The following SLC4A8 variants were observed in gnomAD, a reference collection of about 807,000 sequenced individuals.
The protein encoded by SLC4A8 is electroneutral sodium bicarbonate exchanger 1.
A neutral mutation model predicts 125.0 loss-of-function variants in SLC4A8; 40 were observed. The ratio of observed to expected loss-of-function variants is 0.32; its 90% CI spans 0.25 to 0.42. SLC4A8 has a LOEUF of 0.42. Among genes scored for constraint, SLC4A8 ranks in the 10% least tolerant of loss-of-function variants. SLC4A8 has a pLI of 1.00. For missense variants in SLC4A8, 863 were observed against 1,355.1 expected (o/e 0.64, Z 5.70); for synonymous variants, 456 against 476.0 (o/e 0.96, Z 0.55).
chr12:51,481,085 C>A (rs1592255789), intron 16 of SLC4A8, among the ~76,000 whole-genome samples: 1 of 152,260 alleles, frequency 6.6e-6, no homozygotes, highest in South Asian at 2.1e-4. Context: ...ACATTATCTT[C>A]TATTTTTATT....
chr12:51,436,785 C>G (rs1949433683), intron 1 of SLC4A8, among the ~76,000 whole-genome samples: 1 of 152,102 alleles, frequency 6.6e-6, no homozygotes, highest in African/African-American at 2.4e-5. Context: ...CACCACCACA[C>G]CCGGCTAATT....
chr12:51,402,527 G>C (rs776222107), intron 1 of SLC4A8, among the ~76,000 whole-genome samples: 2 of 152,122 alleles, frequency 1.3e-5, no homozygotes, highest in African/African-American at 4.8e-5. Context: ...TTTGGGACCA[G>C]CCTGGCCAAC....
Position 51,471,314 on chromosome 12 carries a change from G to C in SLC4A8, c.1686G>C (p.Leu562=), listed in dbSNP as rs373671916. Residue 562 remains leucine (L), a synonymous_variant, in exon 14 of 25, where the codon CTG becomes CTC. Coordinates refer to ENST00000453097, the MANE Select transcript of SLC4A8 (RefSeq NM_001039960.3). The part of the protein sequence containing the change: ...CKDYALSYLS[L]RACIGLWTAF... ...ACTATGCTCTTTCATACCTCTCCCT[G>C]CGAGCTTGTATTGGACTGTGGACCG... is the stretch of plus-strand genomic sequence containing the variant. 34 of 1,613,090 alleles carry C rather than the reference G, an allele frequency of 2.1e-5. No homozygotes were observed. In the African/African-American group the frequency reaches 3.6e-4, roughly 17 times the overall value.
chr12:51,400,773 TATATAC>T (rs1466675738), intron 1 of SLC4A8, among the ~76,000 whole-genome samples: 7 of 4,488 alleles, frequency 1.6e-3, no homozygotes, highest in Admixed American at 4.6e-3. Context: ...TATATATATA[TATATAC>T]ATACATACAC....
At chr12:51,502,217 C>T (rs530242116) in intron 22 of SLC4A8, 3 of 152,276 alleles carry the variant, frequency 2.0e-5, no homozygotes, top group Admixed American at 1.3e-4. Flanking sequence ...TCTCTGATTT[C>T]TTTCAGCAGT....
rs1180765514 is a variant in SLC4A8, at chr12:51,481,790, T to TA, written c.2173-3985dup. Among the ~76,000 whole-genome samples the TA allele has an allele frequency of 4.3e-3, 613 of 142,818 alleles. 2 individuals carry two copies. Among genetic ancestry groups the TA allele is most frequent in the African/African-American group, 0.013 (497 of 39,068 alleles). The allele number at this position is 142,818 out of a possible 152,430, so 93.7% of individuals were successfully genotyped here. On this transcript the variant is annotated intron_variant, in intron 16 of 24. Coordinates refer to ENST00000453097, the MANE Select transcript of SLC4A8 (RefSeq NM_001039960.3). Reference sequence around the variant, plus strand: ...AAACCCTATCTCTACAAAGTATATATAAAAAAAAAAAATTAGCCAGGCGTG... The same window carrying TA: ...AAACCCTATCTCTACAAAGTATATATAAAAAAAAAAAAATTAGCCAGGCGTG...
At chr12:51,392,579 AAAAAAAAG>A (rs1412419721) in intron 1 of SLC4A8, among the ~76,000 whole-genome samples, 52 of 151,134 alleles carry the variant, frequency 3.4e-4, no homozygotes, top group African/African-American at 1.2e-3. Flanking sequence ...ATCAAAAAAA[AAAAAAAAG>A]AAAAAAAGAA....
chr12:51,433,872 TTTTTTTG>T (rs1565772327), intron 1 of SLC4A8, among the ~76,000 whole-genome samples: 2,352 of 34,068 alleles, frequency 0.069, 56 homozygotes, highest in Non-Finnish European at 0.1. Flanking sequence ...TTTTTTTTTT[TTTTTTTG>T]GTTGGTTTTT....
intron 1 of SLC4A8, among the ~76,000 whole-genome samples, chr12:51,404,103 G>A (rs1000288030): frequency 1.1e-4 from 17 of 152,156 alleles, no homozygotes; most frequent in African/African-American, 2.9e-4. Flanking sequence ...AGACTCTTCC[G>A]TGTGGCCACT....
intron 1 of SLC4A8, among the ~76,000 whole-genome samples, chr12:51,426,727 G>A (rs1948993877): frequency 6.6e-6 from 1 of 151,900 alleles, no homozygotes; most frequent in Admixed American, 6.6e-5. Flanking sequence ...TGAGGGGAAT[G>A]GTATATGAGA....
At position 51,452,111 on chromosome 12, in the gene SLC4A8, G is replaced by T. The variant is rs745549665; in HGVS notation, c.278-13G>T. 1 of 1,614,040 alleles carries T rather than the reference G, an allele frequency of 6.2e-7. No homozygotes were observed. On this transcript the variant is annotated splice_polypyrimidine_tract_variant and intron_variant, in intron 3 of 24. Transcript: ENST00000453097. ...AGGCTAGAGCAGACCTTTCTCTTTG[G>T]TTGATTTCCTAGACACACCATCTCA...
chr12:51,461,650 G>A lies in SLC4A8; in HGVS notation c.1101+359G>A, dbSNP rs183766022. On this transcript the variant is annotated intron_variant, in intron 9 of 24. Coordinates refer to ENST00000453097, the MANE Select transcript of SLC4A8 (RefSeq NM_001039960.3). ...ATTTACATAAAGAAACCTCACTCCT[G>A]TTCCACTAAATGAGACCAGTTTGTA... 9.7e-4 allele frequency: 214 copies of A among 221,266 alleles called. 4 individuals carry two copies. The highest frequency in any genetic ancestry group is 7.2e-3 in the Middle Eastern group (4 of 558). 13.7% of individuals were successfully genotyped at this position (221,266 alleles called of 1,614,324 possible). A position where few individuals can be genotyped will look rare whatever the true frequency, so the allele number is the denominator to read the frequency against.
At chr12:51,423,157 T>A (rs2138011829), upstream of SLC4A8, among the ~76,000 whole-genome samples, 1 of 152,282 alleles carries the variant, frequency 6.6e-6, no homozygotes, top group South Asian at 2.1e-4. Flanking sequence ...ATAAGAAAAA[T>A]AATCATTGCT....
intron 1 of SLC4A8, among the ~76,000 whole-genome samples, chr12:51,432,765 T>C (rs1443242032): frequency 1.3e-5 from 2 of 152,142 alleles, no homozygotes; most frequent in Non-Finnish European, 2.9e-5. Context: ...CATCTCTATA[T>C]TTATTGATTT....
At chr12:51,455,185 G>T (rs1592212367) in intron 5 of SLC4A8, among the ~76,000 whole-genome samples, 1 of 149,990 alleles carries the variant, frequency 6.7e-6, no homozygotes, top group Admixed American at 6.7e-5. Context: ...ATAACAAAAT[G>T]GAGTCTCCTA....
chr12:51,491,186 A>G (rs998311973), intron 19 of SLC4A8, among the ~76,000 whole-genome samples: 25 of 152,152 alleles, frequency 1.6e-4, no homozygotes, highest in Non-Finnish European at 7.4e-5. Context: ...GATGTCTGGG[A>G]GTCATCTAAG....
chr12:51,424,054 C>CA (rs1334821004), upstream of SLC4A8, among the ~76,000 whole-genome samples: 36,622 of 76,870 alleles, frequency 0.48, 7,612 homozygotes, highest in Non-Finnish European at 0.53. Context: ...AAAAAAAAAA[C>CA]AAAAAAAACA....
intron 1 of SLC4A8, among the ~76,000 whole-genome samples, chr12:51,415,802 C>T (rs1259667706): frequency 2.7e-5 from 4 of 147,840 alleles, no homozygotes; most frequent in African/African-American, 1.0e-4. Context: ...GAAAATTTAC[C>T]TATCAGGTAC....
rs371323026 is a variant in SLC4A8, at chr12:51,491,737, G to GCACACACA, written c.2700+1788_2700+1789insCACACACA. Among the ~76,000 whole-genome samples the GCACACACA allele has an allele frequency of 2.5e-3, 314 of 126,912 alleles. 3 individuals are homozygous for GCACACACA. The highest frequency in any genetic ancestry group is 0.014 in the East Asian group (58 of 4,138). 83.3% of individuals were successfully genotyped at this position (126,912 alleles called of 152,430 possible). The stretch of plus-strand genomic sequence containing the variant: ...TTCCTCCACCCCTGTCTGGGGATGG[G>GCACACACA]CAGACACACACACACACACACACAC... On this transcript the variant is annotated intron_variant, in intron 19 of 24. Coordinates refer to ENST00000453097, the MANE Select transcript of SLC4A8 (RefSeq NM_001039960.3).
Sources: gnomAD v4.1 joint callset for allele counts (sites outside exome capture counted in the v4.1 genomes callset) on GRCh38, gnomAD v4.1.1 for gene constraint, MANE v1.5 for transcripts, NCBI Gene and HGNC (gene_info 2026-07-23, HGNC 2026-07-21) for gene names.